DDR2: variants seen among roughly 807,000 people sequenced by gnomAD.
The protein encoded by DDR2 is discoidin domain receptor tyrosine kinase 2.
A neutral mutation model predicts 94.9 loss-of-function variants in DDR2; 27 were observed. The ratio of observed to expected loss-of-function variants is 0.28; its 90% confidence interval spans 0.21 to 0.39. The LOEUF (loss-of-function observed/expected upper bound fraction) is 0.39, where lower values mean the gene tolerates loss of function less well. DDR2 is among the 10% of genes least tolerant of loss of function. The pLI is 1.00. For missense variants in DDR2, 783 were observed against 1,076.0 expected (o/e 0.73, Z 3.81); for synonymous variants, 382 against 377.2 (o/e 1.01, Z -0.15).
At chr1:162,653,279 C>T (rs1657791341) in intron 1 of DDR2, among the ~76,000 whole-genome samples, 2 of 151,572 alleles carry the variant, frequency 1.3e-5, no homozygotes, top group Non-Finnish European at 1.5e-5. Flanking sequence ...AACTAGCTTT[C>T]AGAAAATTGT....
At chr1:162,677,538 G>A (rs1428222187) in intron 2 of DDR2, among the ~76,000 whole-genome samples, 1 of 152,178 alleles carries the variant, frequency 6.6e-6, no homozygotes. Context: ...GGAAAAAGAG[G>A]AGGCACAGAG....
At position 162,772,307 on chromosome 1, in the gene DDR2, G is replaced by A. The variant is rs1304705539; in HGVS notation, c.1728+60G>A. ...GAAGGTGGTTGGATAAAAATGATCA[G>A]TAGAACAAAGAGTCCCTTCCAGAGG... is the stretch of plus-strand genomic sequence containing the variant. On this transcript the variant is annotated intron_variant, in intron 13 of 17. Transcript: ENST00000367921. 1.0e-5 allele frequency: 16 copies of A among 1,539,804 alleles called. No individual in the cohort carries two copies. In the East Asian group the frequency reaches 3.2e-4, roughly 31 times the overall value.
At chr1:162,697,185 G>A (rs1374861485) in intron 2 of DDR2, among the ~76,000 whole-genome samples, 3 of 152,046 alleles carry the variant, frequency 2.0e-5, no homozygotes, top group African/African-American at 7.2e-5. Flanking sequence ...AGAATTAATG[G>A]ATAAAGACTA....
intron 3 of DDR2, among the ~76,000 whole-genome samples, chr1:162,748,063 C>A (rs913443848): frequency 1.3e-5 from 2 of 152,184 alleles, no homozygotes; most frequent in African/African-American, 4.8e-5. Context: ...ATTGTAAACA[C>A]CATCGATGCT....
intron 17 of DDR2, among the ~76,000 whole-genome samples, chr1:162,779,418 T>G (rs966858052): frequency 5.3e-5 from 8 of 152,174 alleles, no homozygotes; most frequent in African/African-American, 1.7e-4. Flanking sequence ...CAGCATACCC[T>G]TGGATTATGG....
chr1:162,674,257 A>G (rs1659020121), intron 2 of DDR2, among the ~76,000 whole-genome samples: 1 of 151,972 alleles, frequency 6.6e-6, no homozygotes. Flanking sequence ...GGCTTGTTTC[A>G]CCCTCCAGAA....
intron 3 of DDR2, among the ~76,000 whole-genome samples, chr1:162,744,315 T>G (rs989532041): frequency 6.6e-6 from 1 of 152,208 alleles, no homozygotes; most frequent in African/African-American, 2.4e-5. Context: ...TCATTTCCCT[T>G]TCCTCCCAAT....
At chr1:162,706,214 C>A (rs1343445348) in intron 2 of DDR2, among the ~76,000 whole-genome samples, 9 of 152,176 alleles carry the variant, frequency 5.9e-5, no homozygotes, top group Admixed American at 5.9e-4. Flanking sequence ...CACTGCAGAG[C>A]CCTCAGGCCA....
At chr1:162,753,345 G>T in intron 4 of DDR2, 148 bp downstream of exon 4, 4 of 731,870 alleles carry the variant, frequency 5.5e-6, no homozygotes, top group East Asian at 2.8e-5. Context: ...GGCCTGTCCT[G>T]CTCTGTATGT....
intron 2 of DDR2, among the ~76,000 whole-genome samples, chr1:162,711,087 C>T (rs1333754430): frequency 1.3e-5 from 2 of 152,164 alleles, no homozygotes; most frequent in Non-Finnish European, 2.9e-5. Flanking sequence ...AAATGGACTC[C>T]GTGGAGAGAA....
chr1:162,759,984 G>T lies in DDR2; in HGVS notation c.855+5G>T. On this transcript the variant is annotated splice_donor_5th_base_variant and intron_variant, in intron 8 of 17. Coordinates refer to ENST00000367921, the MANE Select transcript of DDR2 (RefSeq NM_006182.4). ...AGGAATTTCACTACCATGAAGGTCA[G>T]TGGGGTCGGGTGTGGTGGAACTTCT... 6.2e-7 allele frequency: 1 copy of T among 1,614,088 alleles called. No homozygotes were observed.
chr1:162,767,322 T>A lies in DDR2; in HGVS notation c.1256T>A (p.Ile419Asn). 6.2e-7 allele frequency: 1 copy of A among 1,614,090 alleles called. No homozygotes were observed. The highest frequency in any genetic ancestry group is 8.5e-7 in the Non-Finnish European group (1 of 1,180,010). Reference sequence around the variant, plus strand: ...ATCCTCCTGGCCATCATTGTCATCATCCTCTGGAGGCAGTTCTGGCAGAAA... The same window carrying A: ...ATCCTCCTGGCCATCATTGTCATCAACCTCTGGAGGCAGTTCTGGCAGAAA... ...IFILLAIIVI[I>N]LWRQFWQKML... The change falls in exon 11 of 18, where the codon ATC (isoleucine) becomes AAC (asparagine). Residue 419 changes from isoleucine to asparagine, a missense_variant. Physicochemically the swap from Ile to Asn is moderately radical, Grantham distance 149 (BLOSUM62 -3). Coordinates refer to ENST00000367921, the MANE Select transcript of DDR2 (RefSeq NM_006182.4).
intron 3 of DDR2, among the ~76,000 whole-genome samples, chr1:162,730,725 TCAC>T (rs1661998380): frequency 6.6e-6 from 1 of 152,148 alleles, no homozygotes. Flanking sequence ...CTCTCTTTCC[TCAC>T]CAGGTCCTGA....
At chr1:162,773,876 A>C (rs777394124) in intron 14 of DDR2, among the ~76,000 whole-genome samples, 1 of 152,240 alleles carries the variant, frequency 6.6e-6, no homozygotes, top group East Asian at 1.9e-4. Context: ...AACATATACA[A>C]CTGTCTAAAT....
Position 162,781,174 on chromosome 1 carries a change from T to C in DDR2, c.*928T>C, listed in dbSNP as rs1312581992. On this transcript the variant is annotated 3_prime_UTR_variant, in exon 18 of 18. Coordinates refer to ENST00000367921, the MANE Select transcript of DDR2 (RefSeq NM_006182.4). ...CAGTAAAGTCTGATGTTTTGATATCTTGATGTTTTGATGGTAGACTCTTGA... is the reference window on the plus strand; with the variant it reads ...CAGTAAAGTCTGATGTTTTGATATCCTGATGTTTTGATGGTAGACTCTTGA... 2 of 152,224 alleles carry C rather than the reference T, an allele frequency of 1.3e-5. No homozygotes were observed. The highest frequency in any genetic ancestry group is 4.8e-5 in the African/African-American group (2 of 41,462). The allele number at this position is 152,224 out of a possible 1,614,324, so 9.4% of individuals were successfully genotyped here. A position where few individuals can be genotyped will look rare whatever the true frequency, so the allele number is the denominator to read the frequency against.
At chr1:162,716,551 A>T (rs571839263) in intron 2 of DDR2, among the ~76,000 whole-genome samples, 2 of 152,138 alleles carry the variant, frequency 1.3e-5, no homozygotes, top group African/African-American at 4.8e-5. Flanking sequence ...CATGTATTTT[A>T]TCTTATCCAA....
At chr1:162,753,036 GC>G in intron 3 of DDR2, 58 bp from the exon 4 acceptor site, 1 of 1,409,220 alleles carries the variant, frequency 7.1e-7, no homozygotes, top group Non-Finnish European at 1.0e-6. Context: ...TTCCTAGGGG[GC>G]TTGGAAATAA....
In DDR2 at chr1:162,741,717, G is replaced by A. The variant is rs142221870; in HGVS notation, c.83-11378G>A. 7.4e-4 allele frequency: 733 copies of A among 985,412 alleles called. 2 individuals carry two copies. In the African/African-American group the frequency reaches 0.011, roughly 15 times the overall value. 61.0% of individuals were successfully genotyped at this position (985,412 alleles called of 1,614,324 possible). On this transcript the variant is annotated intron_variant, in intron 3 of 17. Transcript: ENST00000367921. ...CACAGGTGACAGTCACAAAGGGTAA[G>A]TGAAGTTCTACATTATTAGTAGCTG...
intron 2 of DDR2, among the ~76,000 whole-genome samples, chr1:162,675,653 G>T (rs372754593): frequency 1.3e-5 from 2 of 152,238 alleles, no homozygotes; most frequent in African/African-American, 4.8e-5. Flanking sequence ...CAGCTGAGTT[G>T]CTGGGACAGG....
Sources: allele counts gnomAD v4.1 joint callset (sites outside exome capture counted in the v4.1 genomes callset), GRCh38; gene constraint gnomAD v4.1.1; transcripts MANE v1.5; gene names NCBI Gene and HGNC (gene_info 2026-07-23, HGNC 2026-07-21).